Variants in ATP9B observed in about 807,000 individuals in gnomAD.
ATP9B encodes the protein probable phospholipid-transporting ATPase IIB.
A neutral mutation model predicts 146.1 loss-of-function variants in ATP9B; 110 were observed. The observed-to-expected ratio is 0.75, with a 90% CI of 0.65 to 0.88. The LOEUF (loss-of-function observed/expected upper bound fraction) is 0.88, where lower values mean the gene tolerates loss of function less well. ATP9B is among the 40% of genes least tolerant of loss of function. The pLI is 0.00. For synonymous variants in ATP9B, 604 were observed against 569.7 expected (o/e 1.06, Z -0.86); for missense variants, 1,499 against 1,496.4 (o/e 1.00, Z -0.03).
chr18:79,176,054 T>C lies in ATP9B; in HGVS notation c.779-759T>C, dbSNP rs1017954372. On this transcript the variant is annotated intron_variant, in intron 7 of 29. Transcript: ENST00000426216. Reference sequence around the variant, plus strand: ...TATCCTAGAGATCTTTCCATGACAGTGTATTGAGGTCATCTTGTTTGCTTT... The same window carrying C: ...TATCCTAGAGATCTTTCCATGACAGCGTATTGAGGTCATCTTGTTTGCTTT... Among the ~76,000 whole-genome samples the C allele has an allele frequency of 1.1e-4, 16 of 152,352 alleles. No homozygotes were observed. The East Asian group carries it at 2.7e-3, about 26-fold the overall frequency.
intron 8 of ATP9B, among the ~76,000 whole-genome samples, chr18:79,192,467 G>A (rs1179800758): frequency 3.3e-5 from 5 of 152,188 alleles, no homozygotes; most frequent in African/African-American, 1.2e-4. Flanking sequence ...AGTCAGCAGC[G>A]AGAAGAGGCA....
intron 29 of ATP9B, chr18:79,376,232 T>C (rs2097102731): frequency 4.4e-6 from 4 of 912,448 alleles, no homozygotes; most frequent in Non-Finnish European, 3.8e-6. Flanking sequence ...AACAAAAAAA[T>C]GGCTAGCCTA....
rs144196137 is a variant in ATP9B at position 79,273,399 on chromosome 18, A to C, written c.1269-3655A>C. On this transcript the variant is annotated intron_variant, in intron 12 of 29. Coordinates refer to ENST00000426216, the MANE Select transcript of ATP9B (RefSeq NM_198531.5). ...AAAAATGGAAAGATTTCACAGAGTG[A>C]CAAATGCTGGGAAAAATTCAGATCA... 2.4e-3 allele frequency among the ~76,000 whole-genome samples: 365 copies of C among 152,332 alleles called. 1 individual carries two copies. The highest frequency in any genetic ancestry group is 6.4e-3 in the South Asian group (31 of 4,830).
intron 13 of ATP9B, among the ~76,000 whole-genome samples, chr18:79,287,836 C>A (rs1480538833): frequency 6.7e-6 from 1 of 149,510 alleles, no homozygotes; most frequent in Non-Finnish European, 1.5e-5. Flanking sequence ...TCGTTGGTTT[C>A]AAAGAACATC....
At chr18:79,253,325 A>T in intron 11 of ATP9B, 56 bp from the exon 12 acceptor site, 1 of 1,487,418 alleles carries the variant, frequency 6.7e-7, no homozygotes, top group Non-Finnish European at 9.0e-7. Context: ...ATTCTGATTT[A>T]TAATATTAGG....
chr18:79,255,579 C>CT (rs1346063865), intron 12 of ATP9B, among the ~76,000 whole-genome samples: 1 of 152,242 alleles, frequency 6.6e-6, no homozygotes, highest in Non-Finnish European at 1.5e-5. Context: ...TTCTTAGTTT[C>CT]TGCCAGCTGG....
chr18:79,097,519 T>TC (rs1322253275), intron 2 of ATP9B, among the ~76,000 whole-genome samples: 1 of 100,546 alleles, frequency 9.9e-6, no homozygotes, highest in Admixed American at 1.0e-4. Context: ...GTTCTTTCCC[T>TC]CCCCCCTCCC....
At chr18:79,076,309 A>G (rs2072607377) in intron 1 of ATP9B, among the ~76,000 whole-genome samples, 1 of 152,144 alleles carries the variant, frequency 6.6e-6, no homozygotes, top group South Asian at 2.1e-4. Flanking sequence ...CTGTTTCAGT[A>G]ATTCTCTAAC....
intron 12 of ATP9B, among the ~76,000 whole-genome samples, chr18:79,263,480 C>T (rs766222464): frequency 1.3e-5 from 2 of 152,208 alleles, no homozygotes; most frequent in African/African-American, 4.8e-5. Flanking sequence ...ACAGTTCAAA[C>T]CTGTGTTGTT....
intron 11 of ATP9B, among the ~76,000 whole-genome samples, chr18:79,238,997 G>A (rs576184416): frequency 6.6e-6 from 1 of 152,320 alleles, no homozygotes; most frequent in Admixed American, 6.5e-5. Flanking sequence ...GTCACAACTG[G>A]CACTGAAATT....
chr18:79,200,590 C>T (rs2095460447), intron 9 of ATP9B, among the ~76,000 whole-genome samples: 1 of 146,546 alleles, frequency 6.8e-6, no homozygotes, highest in African/African-American at 2.5e-5. Context: ...ATAAAATATG[C>T]TCTCTGACCA....
intron 13 of ATP9B, 50 bp downstream of exon 13, chr18:79,277,246 A>AT (rs1568557342): frequency 1.2e-6 from 2 of 1,601,666 alleles, no homozygotes; most frequent in Admixed American, 3.3e-5. Context: ...ATGACATTTA[A>AT]TAAAAAATAG....
intron 2 of ATP9B, among the ~76,000 whole-genome samples, chr18:79,104,017 G>C (rs542289030): frequency 6.6e-6 from 1 of 152,200 alleles, no homozygotes; most frequent in South Asian, 2.1e-4. Context: ...TTTTGTGACA[G>C]CTAAGAGCCA....
intron 4 of ATP9B, among the ~76,000 whole-genome samples, chr18:79,119,990 T>C (rs1484274723): frequency 6.6e-6 from 1 of 152,146 alleles, no homozygotes; most frequent in Non-Finnish European, 1.5e-5. Flanking sequence ...ATACACTAAA[T>C]CTAAAGAAAT....
At chr18:79,212,068 G>A (rs932965708) in intron 10 of ATP9B, among the ~76,000 whole-genome samples, 4 of 151,974 alleles carry the variant, frequency 2.6e-5, no homozygotes, top group African/African-American at 4.8e-5. Flanking sequence ...CCTCTGTTTT[G>A]CCTTGTATAC....
chr18:79,346,427 G>A (rs866893618), intron 23 of ATP9B, among the ~76,000 whole-genome samples: 3 of 150,794 alleles, frequency 2.0e-5, no homozygotes, highest in South Asian at 2.1e-4. Context: ...GTCAGCGCAC[G>A]TCAGCACGTG....
At chr18:79,091,650 T>C (rs983595361) in intron 1 of ATP9B, among the ~76,000 whole-genome samples, 4 of 152,226 alleles carry the variant, frequency 2.6e-5, no homozygotes, top group African/African-American at 9.6e-5. Context: ...AACTACTGAA[T>C]TGATCAGTTC....
chr18:79,172,109 G>A (rs566841464), intron 7 of ATP9B, among the ~76,000 whole-genome samples: 38 of 152,338 alleles, frequency 2.5e-4, no homozygotes, highest in African/African-American at 9.1e-4. Context: ...GGCTGGTCTC[G>A]AGCTCCTGAC....
At chr18:79,191,981 T>A (rs2095371142) in intron 8 of ATP9B, among the ~76,000 whole-genome samples, 1 of 152,206 alleles carries the variant, frequency 6.6e-6, no homozygotes, top group Non-Finnish European at 1.5e-5. Context: ...AACTGGTAGC[T>A]AACTTGACTG....
Sources: allele counts gnomAD v4.1 joint callset (sites outside exome capture counted in the v4.1 genomes callset), GRCh38; gene constraint gnomAD v4.1.1; transcripts MANE v1.5; gene names NCBI Gene and HGNC (gene_info 2026-07-23, HGNC 2026-07-21).